Variants in GRB10 observed in about 807,000 individuals in gnomAD.
The protein encoded by GRB10 is growth factor receptor-bound protein 10.
Under a neutral mutation model 80.9 loss-of-function variants are expected in GRB10, and 20 were observed. The ratio of observed to expected loss-of-function variants is 0.25; its 90% confidence interval spans 0.17 to 0.36. The LOEUF is 0.36. Ranked by LOEUF, GRB10 falls within the 10% of genes least tolerant of loss-of-function variation. The pLI is 1.00. For synonymous variants in GRB10, 291 were observed against 291.5 expected, an observed-to-expected ratio of 1.00 and a Z score of 0.02; for missense variants, 548 against 747.7, an observed-to-expected ratio of 0.73 and a Z score of 3.12.
At chr7:50,680,616 C>T (rs1031297899) in intron 5 of GRB10, among the ~76,000 whole-genome samples, 3 of 152,130 alleles carry the variant, frequency 2.0e-5, no homozygotes, top group African/African-American at 7.2e-5. Flanking sequence ...TGGGCAGAAT[C>T]GCCATCCAAA....
chr7:50,688,323 A>G (rs539210513), intron 5 of GRB10, among the ~76,000 whole-genome samples: 53 of 152,370 alleles, frequency 3.5e-4, no homozygotes, highest in African/African-American at 1.2e-3. Flanking sequence ...ATAATTTAAT[A>G]AAGTGAAGTA....
intron 5 of GRB10, among the ~76,000 whole-genome samples, chr7:50,677,791 A>G (rs1480696734): frequency 1.3e-5 from 2 of 152,260 alleles, no homozygotes; most frequent in Non-Finnish European, 2.9e-5. Flanking sequence ...ACTGTTAAGT[A>G]TAGTCAGTCT....
intron 5 of GRB10, among the ~76,000 whole-genome samples, chr7:50,679,476 G>A (rs961247159): frequency 1.3e-5 from 2 of 151,990 alleles, no homozygotes; most frequent in African/African-American, 4.8e-5. Flanking sequence ...CATTGTTTAG[G>A]GATTAAAGAT....
chr7:50,705,845 A>C (rs2529401), intron 4 of GRB10, among the ~76,000 whole-genome samples: 11,310 of 152,272 alleles, frequency 0.074, 1,440 homozygotes, highest in African/African-American at 0.26. Flanking sequence ...TTTGGAGCAC[A>C]CAGTGTCTGG....
chr7:50,688,790 A>AG (rs989171628), intron 5 of GRB10, among the ~76,000 whole-genome samples: 10 of 129,434 alleles, frequency 7.7e-5, no homozygotes, highest in African/African-American at 2.2e-4. Context: ...CGGGTGGGTG[A>AG]GGGGGGGCAG....
chr7:50,595,927 A>G (rs944405334), intron 17 of GRB10: 3 of 195,540 alleles, frequency 1.5e-5, no homozygotes, highest in African/African-American at 7.0e-5. Flanking sequence ...ATGAATTTTA[A>G]AAGTAATGAA....
In GRB10 at chr7:50,667,791, T is replaced by C. The variant is rs1025757364; in HGVS notation, c.504+1931A>G. Among the ~76,000 whole-genome samples, 5 of 152,146 alleles carry C rather than the reference T, an allele frequency of 3.3e-5. No homozygotes were observed. The East Asian group carries it at 9.6e-4, about 29-fold the overall frequency. On this transcript the variant is annotated intron_variant, in intron 7 of 18. Transcript: ENST00000401949. ...TGACACAGACACCAATGCCACGTTCTCATGGGGAACAAGCTCTGATCCCAA... is the reference window on the plus strand; with the variant it reads ...TGACACAGACACCAATGCCACGTTCCCATGGGGAACAAGCTCTGATCCCAA...
intron 5 of GRB10, among the ~76,000 whole-genome samples, chr7:50,677,418 G>T (rs555441107): frequency 1.3e-5 from 2 of 152,300 alleles, no homozygotes; most frequent in South Asian, 4.1e-4. Context: ...GGCCCAGAAG[G>T]CTTGTGGCCT....
intron 5 of GRB10, among the ~76,000 whole-genome samples, chr7:50,683,589 T>G (rs1485683591): frequency 6.6e-6 from 1 of 151,946 alleles, no homozygotes; most frequent in Non-Finnish European, 1.5e-5. Context: ...ATACAAAAAT[T>G]AGCCAGGTGT....
chr7:50,749,126 TTTTGTTTG>T (rs760577552), intron 3 of GRB10, among the ~76,000 whole-genome samples: 1 of 77,240 alleles, frequency 1.3e-5, no homozygotes, highest in African/African-American at 3.0e-5. Context: ...TGTTTTGTTT[TTTTGTTTG>T]TTTTTTTTTT....
At chr7:50,670,538 C>T (rs2060251073) in intron 6 of GRB10, among the ~76,000 whole-genome samples, 1 of 116,682 alleles carries the variant, frequency 8.6e-6, no homozygotes, top group Middle Eastern at 6.8e-3. Context: ...GGGCGGGGGG[C>T]GGGGTGCCGA....
At chr7:50,774,994 AC>A (rs1178357934) in intron 2 of GRB10, among the ~76,000 whole-genome samples, 2 of 147,318 alleles carry the variant, frequency 1.4e-5, no homozygotes, top group Non-Finnish European at 1.5e-5. Context: ...CAAAAACAAA[AC>A]AAAACAAAAA....
intron 5 of GRB10, among the ~76,000 whole-genome samples, chr7:50,678,588 C>T (rs1052205691): frequency 9.2e-5 from 14 of 152,154 alleles, no homozygotes; most frequent in Non-Finnish European, 1.5e-5. Flanking sequence ...TAAATTCTAA[C>T]GAAGAGCGAC....
chr7:50,786,274 C>T (rs752795636), upstream of GRB10, among the ~76,000 whole-genome samples: 17 of 151,950 alleles, frequency 1.1e-4, no homozygotes, highest in Non-Finnish European at 1.9e-4. Flanking sequence ...CAAATAACTG[C>T]CATCCTAGAA....
At chr7:50,632,815 C>G (rs1323951770) in intron 7 of GRB10, among the ~76,000 whole-genome samples, 1 of 152,146 alleles carries the variant, frequency 6.6e-6, no homozygotes, top group African/African-American at 2.4e-5. Flanking sequence ...GCAGGAAAGG[C>G]AACTGTGCTG....
chr7:50,604,296 A>T lies in GRB10; in HGVS notation c.1456+15T>A. 1 of 1,601,404 alleles carries T rather than the reference A, an allele frequency of 6.2e-7. No homozygotes were observed. The highest frequency in any genetic ancestry group is 8.6e-7 in the Non-Finnish European group (1 of 1,168,476). ...TCTTTATGTACAAAAACATCAGGCA[A>T]TGTGCCCTGTTTACCTGTACTTAGG... is the stretch of plus-strand genomic sequence containing the variant. On this transcript the variant is annotated intron_variant, in intron 16 of 18. Coordinates refer to ENST00000401949, the MANE Select transcript of GRB10 (RefSeq NM_001350814.2).
At chr7:50,702,166 G>C (rs1211229406) in intron 5 of GRB10, among the ~76,000 whole-genome samples, 6 of 152,178 alleles carry the variant, frequency 3.9e-5, no homozygotes, top group Non-Finnish European at 5.9e-5. Flanking sequence ...CTGGCTGCAG[G>C]GCTGCATCCA....
intron 5 of GRB10, among the ~76,000 whole-genome samples, chr7:50,684,538 G>A (rs561811169): frequency 3.9e-5 from 6 of 152,192 alleles, no homozygotes; most frequent in Non-Finnish European, 5.9e-5. Flanking sequence ...CTAAGATCCC[G>A]TCAGGCCCTT....
In GRB10 at chr7:50,782,185, TG is replaced by T. The variant is rs557660504; in HGVS notation, c.-327+238del. Among the ~76,000 whole-genome samples, 4 of 152,196 alleles carry T rather than the reference TG, an allele frequency of 2.6e-5. No homozygotes were observed. In the South Asian group the frequency reaches 8.3e-4, roughly 32 times the overall value. On this transcript the variant is annotated intron_variant, in intron 1 of 18. Coordinates refer to ENST00000401949, the MANE Select transcript of GRB10 (RefSeq NM_001350814.2). This position sits in a 1 kb window ranked among gnomAD's most constrained non-coding sequence, Gnocchi z 6.6. ...AATATTAAACAATTAAGATTAAAAA[TG>T]GTTACATAATACTGTCCTATGGCTG...
Sources: gnomAD v4.1 joint callset for allele counts (sites outside exome capture counted in the v4.1 genomes callset) on GRCh38, gnomAD v4.1.1 for gene constraint, Gnocchi (gnomAD v3.1) non-coding constraint, MANE v1.5 for transcripts, NCBI Gene and HGNC (gene_info 2026-07-23, HGNC 2026-07-21) for gene names.